Variants in PRKG1 observed in about 807,000 individuals in gnomAD.
PRKG1 encodes the protein protein kinase cGMP-dependent 1.
In PRKG1, 35 loss-of-function variants were observed where a neutral mutation model predicts 88.1. That is an observed-to-expected ratio of 0.40 (90% confidence interval 0.30 to 0.53). The LOEUF (loss-of-function observed/expected upper bound fraction) is 0.53, where lower values mean the gene tolerates loss of function less well. Among genes scored for constraint, PRKG1 ranks in the 20% least tolerant of loss-of-function variants. The pLI, the probability that PRKG1 is intolerant of heterozygous loss-of-function variation, is 0.59. For synonymous variants in PRKG1, 303 were observed against 292.5 expected (o/e 1.04, Z -0.37); for missense variants, 540 against 839.8 (o/e 0.64, Z 4.41).
At chr10:51,252,038 T>C (rs1302723390) in intron 2 of PRKG1, among the ~76,000 whole-genome samples, 1 of 151,824 alleles carries the variant, frequency 6.6e-6, no homozygotes, top group African/African-American at 2.4e-5. Flanking sequence ...ATATACGTTA[T>C]TAGTCTAATG....
At chr10:52,062,048 A>C (rs1251962221) in intron 6 of PRKG1, among the ~76,000 whole-genome samples, 1 of 152,162 alleles carries the variant, frequency 6.6e-6, no homozygotes, top group African/African-American at 2.4e-5. Context: ...AATGAAACAA[A>C]ACTCATACGT....
chr10:50,990,968 T>C (rs1027661437), exon 1 of PRKG1: 7 of 164,778 alleles, frequency 4.2e-5, no homozygotes, highest in Non-Finnish European at 7.4e-5. Context: ...AACCCTCTGC[T>C]AGCAACTCGG....
intron 1 of PRKG1, among the ~76,000 whole-genome samples, chr10:51,082,386 G>A (rs10218997): frequency 0.085 from 12,960 of 152,150 alleles, 1,781 homozygotes; most frequent in African/African-American, 0.29. Context: ...AATGTAGGAC[G>A]GCGGTTCCCA....
chr10:51,601,471 G>A (rs1339347427), intron 3 of PRKG1, among the ~76,000 whole-genome samples: 1 of 152,168 alleles, frequency 6.6e-6, no homozygotes, highest in African/African-American at 2.4e-5. Context: ...ACAAGGAGGA[G>A]CACATAAATG....
chr10:51,063,581 G>A (rs1411254861), intron 1 of PRKG1, among the ~76,000 whole-genome samples: 1 of 152,154 alleles, frequency 6.6e-6, no homozygotes, highest in Non-Finnish European at 1.5e-5. Context: ...TGTTGTATAT[G>A]CGGTCTATCA....
chr10:51,985,297 A>G (rs767634413), intron 5 of PRKG1, among the ~76,000 whole-genome samples: 29 of 150,128 alleles, frequency 1.9e-4, no homozygotes, highest in Admixed American at 4.6e-4. Flanking sequence ...TGCGATTGAC[A>G]GAGGCAAAAT....
intron 2 of PRKG1, among the ~76,000 whole-genome samples, chr10:51,410,328 C>T (rs1838049594): frequency 6.6e-6 from 1 of 150,960 alleles, no homozygotes; most frequent in South Asian, 2.1e-4. Context: ...CACACAGTCA[C>T]AAGGTCCCAC....
chr10:52,131,044 G>A (rs966498523), intron 7 of PRKG1, among the ~76,000 whole-genome samples: 2 of 152,192 alleles, frequency 1.3e-5, no homozygotes, highest in African/African-American at 2.4e-5. Flanking sequence ...TACAGATGAG[G>A]AAATTGAGGC....
intron 1 of PRKG1, among the ~76,000 whole-genome samples, chr10:51,082,809 C>T (rs1844147087): frequency 6.6e-6 from 1 of 151,970 alleles, no homozygotes; most frequent in Admixed American, 6.6e-5. Flanking sequence ...AACAAGTGAT[C>T]ATTTCCCTAC....
intron 9 of PRKG1, among the ~76,000 whole-genome samples, chr10:52,180,301 A>C (rs1838982895): frequency 6.6e-6 from 1 of 152,220 alleles, no homozygotes; most frequent in African/African-American, 2.4e-5. Flanking sequence ...TTTCTCATTC[A>C]AATCATGAAT....
intron 1 of PRKG1, among the ~76,000 whole-genome samples, chr10:51,145,026 C>T (rs1417442499): frequency 2.5e-5 from 2 of 81,268 alleles, no homozygotes; most frequent in Non-Finnish European, 2.3e-5. Context: ...CAACAAGCAT[C>T]TTAACAGAAT....
intron 9 of PRKG1, among the ~76,000 whole-genome samples, chr10:52,211,714 AAAAG>A (rs1839978609): frequency 6.6e-6 from 1 of 151,600 alleles, no homozygotes; most frequent in Admixed American, 6.6e-5. Context: ...AAAAAAAAAA[AAAAG>A]AAAAGTAATT....
intron 4 of PRKG1, among the ~76,000 whole-genome samples, chr10:51,865,887 C>T (rs1200046556): frequency 6.6e-6 from 1 of 151,814 alleles, no homozygotes; most frequent in Non-Finnish European, 1.5e-5. Context: ...TAAATAAAGG[C>T]ATTTTTATAA....
chr10:51,451,727 G>A lies in PRKG1; in HGVS notation c.479-15996G>A, dbSNP rs188628101. Among the ~76,000 whole-genome samples, 97 of 152,050 alleles carry A rather than the reference G, an allele frequency of 6.4e-4. 1 individual carries two copies. Among genetic ancestry groups the A allele is most frequent in the Non-Finnish European group, 1.0e-3 (69 of 67,866 alleles). ...TTTCAGTTAAGAAATAGATACACTT[G>A]TGTGGATTAACTGTGCTCACAATAA... On this transcript the variant is annotated intron_variant, in intron 2 of 17. Coordinates refer to ENST00000373980, the MANE Select transcript of PRKG1 (RefSeq NM_006258.4).
intron 3 of PRKG1, among the ~76,000 whole-genome samples, chr10:51,543,727 A>G (rs1245541445): frequency 1.3e-5 from 2 of 152,204 alleles, no homozygotes; most frequent in East Asian, 1.9e-4. Flanking sequence ...TCAGGCTATA[A>G]AGCCACTTCT....
chr10:51,500,938 G>A (rs1841007717), intron 3 of PRKG1, among the ~76,000 whole-genome samples: 1 of 152,132 alleles, frequency 6.6e-6, no homozygotes, highest in Non-Finnish European at 1.5e-5. Context: ...AAGTAATTGT[G>A]TTTTTTGCCA....
chr10:52,273,236 C>T (rs1171697557), intron 12 of PRKG1, among the ~76,000 whole-genome samples: 1 of 151,902 alleles, frequency 6.6e-6, no homozygotes, highest in East Asian at 1.9e-4. Context: ...TCATTATCTA[C>T]CCTGTGTTTT....
chr10:51,088,244 C>T (rs1252447278), intron 1 of PRKG1, among the ~76,000 whole-genome samples: 1 of 152,016 alleles, frequency 6.6e-6, no homozygotes, highest in East Asian at 1.9e-4. Context: ...GAAACATTAC[C>T]TCAATTTTCC....
At chr10:51,971,396 T>C (rs771403448) in intron 5 of PRKG1, among the ~76,000 whole-genome samples, 14 of 152,078 alleles carry the variant, frequency 9.2e-5, no homozygotes. Flanking sequence ...AATATAAAGA[T>C]ATTTCAAAGT....
Sources: allele counts gnomAD v4.1 joint callset (sites outside exome capture counted in the v4.1 genomes callset), GRCh38; gene constraint gnomAD v4.1.1; transcripts MANE v1.5; gene names NCBI Gene and HGNC (gene_info 2026-07-23, HGNC 2026-07-21).